HS6ST3: variants seen among roughly 807,000 people sequenced by gnomAD.
The protein encoded by HS6ST3 is heparan sulfate 6-O-sulfotransferase 3.
Under a neutral mutation model 36.7 loss-of-function variants are expected in HS6ST3, and 12 were observed. The observed-to-expected ratio is 0.33, with a 90% CI of 0.21 to 0.53. The LOEUF is 0.53. HS6ST3 is among the 20% of genes least tolerant of loss of function. The pLI is 0.95. For synonymous variants in HS6ST3, 240 were observed against 257.5 expected, an observed-to-expected ratio of 0.93 and a Z score of 0.65; for missense variants, 584 against 640.9, an observed-to-expected ratio of 0.91 and a Z score of 0.96.
At chr13:96,150,173 C>T (rs1449152855) in intron 1 of HS6ST3, among the ~76,000 whole-genome samples, 3 of 152,106 alleles carry the variant, frequency 2.0e-5, no homozygotes, top group Admixed American at 1.3e-4. Context: ...AAGGAAAGCT[C>T]TCAGTGGCAA....
rs960164234 is a variant in HS6ST3 at position 96,555,701 on chromosome 13, G to C, written c.708-276789G>C. 3.3e-5 allele frequency among the ~76,000 whole-genome samples: 5 copies of C among 152,122 alleles called. No individual in the cohort carries two copies. The East Asian group carries it at 7.7e-4, about 24-fold the overall frequency. ...ACTCTCCTGTTGGGTTCTGCCTAGA[G>C]CTCTATGAACAACTTTTGTTATTAG... is the stretch of plus-strand genomic sequence containing the variant. On this transcript the variant is annotated intron_variant, in intron 1 of 1. Coordinates refer to ENST00000376705, the MANE Select transcript of HS6ST3 (RefSeq NM_153456.4).
intron 1 of HS6ST3, among the ~76,000 whole-genome samples, chr13:96,555,088 T>TATAC (rs36026016): frequency 0.083 from 12,572 of 151,070 alleles, 943 homozygotes; most frequent in African/African-American, 0.2. Flanking sequence ...TCAATACATA[T>TATAC]ATACATACAT....
rs533233192 is a variant in HS6ST3 at position 96,420,160 on chromosome 13, G to T, written c.707+328591G>T. ...GCAGCAAACAACTCACTTGGTATCT[G>T]CCTGTGCTGACACTTTGTGTTCTAA... On this transcript the variant is annotated intron_variant, in intron 1 of 1. Coordinates refer to ENST00000376705, the MANE Select transcript of HS6ST3 (RefSeq NM_153456.4). Among the ~76,000 whole-genome samples, 34 of 152,250 alleles carry T rather than the reference G, an allele frequency of 2.2e-4. No individual in the cohort carries two copies. The South Asian group carries it at 7.1e-3, about 32-fold the overall frequency.
intron 1 of HS6ST3, among the ~76,000 whole-genome samples, chr13:96,548,918 T>C (rs532459225): frequency 1.3e-5 from 2 of 152,304 alleles, no homozygotes; most frequent in Non-Finnish European, 2.9e-5. Flanking sequence ...GTATACAGAA[T>C]CATGTTTGAC....
At chr13:96,479,727 A>G (rs2055881316) in intron 1 of HS6ST3, among the ~76,000 whole-genome samples, 1 of 152,220 alleles carries the variant, frequency 6.6e-6, no homozygotes, top group Non-Finnish European at 1.5e-5. Flanking sequence ...CATGACCCAC[A>G]TCTCTGTAGC....
intron 1 of HS6ST3, among the ~76,000 whole-genome samples, chr13:96,433,662 C>T (rs1474434812): frequency 1.3e-5 from 2 of 152,130 alleles, no homozygotes; most frequent in Non-Finnish European, 1.5e-5. Flanking sequence ...TGGCTGGGTG[C>T]GGTGGCTCAC....
intron 1 of HS6ST3, among the ~76,000 whole-genome samples, chr13:96,271,048 C>T (rs1404527322): frequency 2.0e-5 from 3 of 151,910 alleles, no homozygotes; most frequent in Non-Finnish European, 1.5e-5. Context: ...GTACTTATCA[C>T]AGTTTCCAGT....
rs1359807771 is a variant in HS6ST3, at chr13:96,693,066, A to G, written c.708-139424A>G. Reference sequence around the variant, plus strand: ...ATGTCCATCTACAATCCCAATTCATACTTTCATTTTACTTCTCTAAAATAA... The same window carrying G: ...ATGTCCATCTACAATCCCAATTCATGCTTTCATTTTACTTCTCTAAAATAA... On this transcript the variant is annotated intron_variant, in intron 1 of 1. Coordinates refer to ENST00000376705, the MANE Select transcript of HS6ST3 (RefSeq NM_153456.4). Among the ~76,000 whole-genome samples, 2 of 152,102 alleles carry G rather than the reference A, an allele frequency of 1.3e-5. 1 individual carries two copies. The highest frequency in any genetic ancestry group is 3.9e-4 in the East Asian group (2 of 5,190).
intron 1 of HS6ST3, among the ~76,000 whole-genome samples, chr13:96,515,398 A>G (rs904969448): frequency 3.3e-5 from 5 of 152,190 alleles, no homozygotes; most frequent in Non-Finnish European, 5.9e-5. Flanking sequence ...GCATGAGGGG[A>G]TGGCGTTGTT....
At position 96,205,936 on chromosome 13, in the gene HS6ST3, T is replaced by C. The variant is rs140782611; in HGVS notation, c.707+114367T>C. ...GGATACCCTCTCTCACCAGTCCTAT[T>C]CAACATAATATTGGAAGTTCTGGCC... On this transcript the variant is annotated intron_variant, in intron 1 of 1. Transcript: ENST00000376705. 9.2e-5 allele frequency among the ~76,000 whole-genome samples: 14 copies of C among 152,240 alleles called. No individual in the cohort carries two copies. The East Asian group carries it at 2.7e-3, about 29-fold the overall frequency.
chr13:96,668,181 C>T (rs2056670523), intron 1 of HS6ST3, among the ~76,000 whole-genome samples: 1 of 151,986 alleles, frequency 6.6e-6, no homozygotes, highest in Admixed American at 6.6e-5. Context: ...TACACACACA[C>T]ACACACACGC....
intron 1 of HS6ST3, among the ~76,000 whole-genome samples, chr13:96,439,026 C>T (rs1373163795): frequency 1.3e-5 from 2 of 151,562 alleles, no homozygotes; most frequent in African/African-American, 4.9e-5. Flanking sequence ...AAGATTGTGC[C>T]ACTGCACTCC....
Position 96,163,221 on chromosome 13 carries a change from CA to C in HS6ST3, c.707+71653del, listed in dbSNP as rs2054144443. On this transcript the variant is annotated intron_variant, in intron 1 of 1. Transcript: ENST00000376705. ...CATTCTGGTGTTTAAGTCTGAGATA[CA>C]TTTTTTTTTTTTTTTTTTTTTTTTT... Among the ~76,000 whole-genome samples the C allele has an allele frequency of 4.0e-5, 5 of 124,244 alleles. No homozygotes were observed. The South Asian group carries it at 1.3e-3, about 33-fold the overall frequency. 81.5% of individuals were successfully genotyped at this position (124,244 alleles called of 152,430 possible). A position where few individuals can be genotyped will look rare whatever the true frequency, so the allele number is the denominator to read the frequency against.
chr13:96,796,653 T>C (rs948541184), intron 1 of HS6ST3, among the ~76,000 whole-genome samples: 4 of 152,124 alleles, frequency 2.6e-5, no homozygotes, highest in Non-Finnish European at 5.9e-5. Flanking sequence ...TTTGGTTTCC[T>C]TAATAATCAT....
chr13:96,187,162 A>G (rs1054794070), intron 1 of HS6ST3, among the ~76,000 whole-genome samples: 6 of 152,184 alleles, frequency 3.9e-5, no homozygotes. Context: ...ACACTCTTTG[A>G]GTCTGGGCTT....
chr13:96,360,698 G>A (rs1341656865), intron 1 of HS6ST3, among the ~76,000 whole-genome samples: 1 of 149,088 alleles, frequency 6.7e-6, no homozygotes, highest in African/African-American at 2.5e-5. Flanking sequence ...TGTAATCCCA[G>A]CACTTTGGAA....
At chr13:96,445,448 T>C (rs1278461967) in intron 1 of HS6ST3, among the ~76,000 whole-genome samples, 3 of 152,130 alleles carry the variant, frequency 2.0e-5, no homozygotes, top group Non-Finnish European at 4.4e-5. Context: ...TGCCTCCTTT[T>C]AAAGAATAAC....
intron 1 of HS6ST3, among the ~76,000 whole-genome samples, chr13:96,488,838 C>T (rs576460680): frequency 1.3e-5 from 2 of 152,126 alleles, no homozygotes; most frequent in African/African-American, 4.8e-5. Context: ...CTTTCAGTAC[C>T]TGTGAATATA....
chr13:96,598,466 A>G (rs1280025128), intron 1 of HS6ST3, among the ~76,000 whole-genome samples: 2 of 151,892 alleles, frequency 1.3e-5, no homozygotes, highest in Admixed American at 1.3e-4. Flanking sequence ...TTCTTGATTT[A>G]ATTTTCATCT....
Sources: allele counts gnomAD v4.1 joint callset (sites outside exome capture counted in the v4.1 genomes callset), GRCh38; gene constraint gnomAD v4.1.1; transcripts MANE v1.5; gene names NCBI Gene and HGNC (gene_info 2026-07-23, HGNC 2026-07-21).